Variants in SETDB1 observed in about 807,000 individuals in gnomAD.
The protein encoded by SETDB1 is SET domain bifurcated histone lysine methyltransferase 1.
SETDB1 carries 31 observed loss-of-function variants against 137.4 expected under a neutral mutation model. The ratio of observed to expected loss-of-function variants is 0.23; its 90% confidence interval spans 0.17 to 0.30. The LOEUF (loss-of-function observed/expected upper bound fraction) is 0.30. Ranked by LOEUF, SETDB1 falls within the 10% of genes least tolerant of loss-of-function variation. The pLI, the probability that SETDB1 is intolerant of heterozygous loss-of-function variation, is 1.00. For synonymous variants in SETDB1, 548 were observed against 579.9 expected, an observed-to-expected ratio of 0.95 and a Z score of 0.79; for missense variants, 1,113 against 1,631.5, an observed-to-expected ratio of 0.68 and a Z score of 5.47.
chr1:150,964,501 G>T lies in SETDB1; in HGVS notation c.*137G>T. ...CTAGTTGATAGAAATGGGGGTTCTG[G>T]ACCAGATGATCCCTTCCAATGTGGT... is the stretch of plus-strand genomic sequence containing the variant. On this transcript the variant is annotated 3_prime_UTR_variant, in exon 22 of 22. Transcript: ENST00000692827. 1 of 726,378 alleles carries T rather than the reference G, an allele frequency of 1.4e-6. No individual in the cohort carries two copies. Among genetic ancestry groups the T allele is most frequent in the South Asian group, 1.5e-5 (1 of 67,878 alleles). The allele number at this position is 726,378 out of a possible 1,614,324, so 45.0% of individuals were successfully genotyped here.
Position 150,961,173 on chromosome 1 carries a change from C to G in SETDB1, c.3114C>G (p.Ile1038Met), listed in dbSNP as rs1670804646. The G allele has an allele frequency of 1.1e-5, 18 of 1,613,216 alleles. No individual in the cohort carries two copies. Among genetic ancestry groups the G allele is most frequent in the Non-Finnish European group, 1.5e-5 (18 of 1,180,026 alleles). The stretch of plus-strand genomic sequence containing the variant: ...TAGGCATCAAGGATGAGGGAGACAT[C>G]AAACAGGCCAAGAAAGAGGTAAGCA... Reference protein sequence around the residue: ...SGLGIKDEGDIKQAKKEDTDD... With the variant: ...SGLGIKDEGDMKQAKKEDTDD... Residue 1038 changes from isoleucine to methionine, a missense_variant, in exon 16 of 22, where the codon ATC becomes ATG. Ile to Met is a conservative substitution (Grantham distance 10). This residue lies in a region of SETDB1 where 373 missense variants were observed against 412.7 expected (regional missense o/e 0.90). Coordinates refer to ENST00000692827, the MANE Select transcript of SETDB1 (RefSeq NM_001366418.1).
chr1:150,949,730 G>A (rs1038266588), intron 12 of SETDB1, among the ~76,000 whole-genome samples: 1 of 152,168 alleles, frequency 6.6e-6, no homozygotes, highest in Non-Finnish European at 1.5e-5. Flanking sequence ...TTGGAAATAT[G>A]GTATCATCTG....
intron 17 of SETDB1, 128 bp from the exon 18 acceptor site, chr1:150,962,459 G>T: frequency 1.1e-6 from 1 of 885,030 alleles, no homozygotes; most frequent in Non-Finnish European, 1.8e-6. Context: ...TTACAGCCAT[G>T]AGCTACCGTG....
intron 3 of SETDB1, among the ~76,000 whole-genome samples, chr1:150,937,310 T>C (rs1410901071): frequency 6.6e-6 from 1 of 151,832 alleles, no homozygotes; most frequent in Non-Finnish European, 1.5e-5. Flanking sequence ...CATTCAGTGG[T>C]GGCTGCCAGG....
chr1:150,947,078 A>G (rs2102706674), intron 10 of SETDB1, 66 bp downstream of exon 10: 2 of 1,575,938 alleles, frequency 1.3e-6, no homozygotes, highest in African/African-American at 1.3e-5. Flanking sequence ...ATTATATACA[A>G]TGGCTATCCT....
At chr1:150,945,343 A>AT (rs1670292713) in intron 9 of SETDB1, 43 of 1,396,888 alleles carry the variant, frequency 3.1e-5, no homozygotes, top group South Asian at 3.2e-5. Flanking sequence ...TGATTTATTT[A>AT]TTTTTTTTCT....
At position 150,961,038 on chromosome 1, in the gene SETDB1, A is replaced by G; in HGVS notation, c.2979A>G (p.Glu993=). 1 of 1,448,098 alleles carries G rather than the reference A, an allele frequency of 6.9e-7. No individual in the cohort carries two copies. The highest frequency in any genetic ancestry group is 9.3e-7 in the Non-Finnish European group (1 of 1,074,416). 89.7% of individuals were successfully genotyped at this position (1,448,098 alleles called of 1,614,324 possible). A position where few individuals can be genotyped will look rare whatever the true frequency, so the allele number is the denominator to read the frequency against. The change falls in exon 16 of 22, where the codon GAA becomes GAG. Residue 993 remains glutamate (E), a synonymous_variant. Coordinates refer to ENST00000692827, the MANE Select transcript of SETDB1 (RefSeq NM_001366418.1). ...GGTTGAGCTGCAATAGTGTCAGTGA[A>G]GGTGGTTTTGCTGACTCTGATAGCC... The part of the protein sequence containing the change: ...ASWLSCNSVS[E]GGFADSDSHS...
In SETDB1 at chr1:150,962,593, T is replaced by C. The variant is rs1247218877; in HGVS notation, c.3168T>C (p.Thr1056=). The C allele has an allele frequency of 1.2e-6, 2 of 1,614,124 alleles. No homozygotes were observed. Among genetic ancestry groups the C allele is most frequent in the East Asian group, 2.2e-5 (1 of 44,890 alleles). ...TDDRNKMSVV[T]ESSRNYGYNP... ...TTCCTTCCCCTCCCATTAGAGTTAC[T>C]GAAAGCTCTCGAAATTACGGTTACA... Residue 1056 remains threonine, a synonymous_variant, in exon 18 of 22, where the codon ACT becomes ACC. Coordinates refer to ENST00000692827, the MANE Select transcript of SETDB1 (RefSeq NM_001366418.1).
chr1:150,942,566 C>T lies in SETDB1; in HGVS notation c.551C>T (p.Thr184Ile), dbSNP rs777310413. The change falls in exon 6 of 22, where the codon ACC (threonine) becomes ATC (isoleucine). Residue 184 changes from threonine (T) to isoleucine (I), a missense_variant. Thr to Ile is a moderately conservative substitution (Grantham distance 89, BLOSUM62 -1). This residue lies in a region of SETDB1 where 159 missense variants were observed against 188.6 expected (regional missense o/e 0.84). Transcript: ENST00000692827. ...KSSSQDLHKG[T>I]LSQMSGELSK... The stretch of plus-strand genomic sequence containing the variant: ...AATAACTTTGCTTCTTCTATAGGAA[C>T]CTTGAGTCAGATGTCTGGAGAACTA... The T allele has an allele frequency of 1.2e-6, 2 of 1,610,156 alleles. No individual in the cohort carries two copies. Among genetic ancestry groups the T allele is most frequent in the Non-Finnish European group, 1.7e-6 (2 of 1,178,658 alleles).
rs587672018 is a variant in SETDB1 at position 150,963,522 on chromosome 1, C to G, written c.3461-8C>G. On this transcript the variant is annotated splice_polypyrimidine_tract_variant and splice_region_variant and intron_variant, in intron 19 of 21. Transcript: ENST00000692827. ...ATGGGTCCTGACCCCATTCTCCCTC[C>G]TGTCCAGGTCCAATGAAGCGTCAAG... 4 of 1,605,004 alleles carry G rather than the reference C, an allele frequency of 2.5e-6. No homozygotes were observed. Among genetic ancestry groups the G allele is most frequent in the Admixed American group, 1.7e-5 (1 of 59,640 alleles).
chr1:150,961,124 C>T lies in SETDB1; in HGVS notation c.3065C>T (p.Ala1022Val), dbSNP rs150892641. ...CGGGCTGGGGGAAGCCGAATGGAGGCTGAGAAGGCCTCCACCTCAGGACTA... is the reference window on the plus strand; with the variant it reads ...CGGGCTGGGGGAAGCCGAATGGAGGTTGAGAAGGCCTCCACCTCAGGACTA... ...EGRAGGSRMEAEKASTSGLGI... is the reference protein window; with the variant it reads ...EGRAGGSRMEVEKASTSGLGI... Residue 1022 changes from alanine (A) to valine (V), a missense_variant, in exon 16 of 22, where the codon GCT (alanine) becomes GTT (valine). By Grantham distance (64) the Ala-to-Val change is moderately conservative. This residue lies in a region of SETDB1 where 373 missense variants were observed against 412.7 expected (regional missense o/e 0.90). Transcript: ENST00000692827. 6,856 of 1,614,036 alleles carry T rather than the reference C, an allele frequency of 4.2e-3. 152 individuals carry two copies. The highest frequency in any genetic ancestry group is 0.035 in the South Asian group (3,213 of 91,072).
In SETDB1 at chr1:150,964,575, G is replaced by A. The variant is rs1670932036; in HGVS notation, c.*211G>A. On this transcript the variant is annotated 3_prime_UTR_variant, in exon 22 of 22. Transcript: ENST00000692827. ...CACCTCCAAAGGCCCTAAAGGGTGG[G>A]GAGAGATCACCACTCTAACCTCGGC... The A allele has an allele frequency of 1.0e-5, 7 of 696,596 alleles. No homozygotes were observed. The highest frequency in any genetic ancestry group is 7.5e-5 in the South Asian group (5 of 66,992). The allele number at this position is 696,596 out of a possible 1,614,324, so 43.2% of individuals were successfully genotyped here.
chr1:150,958,729 T>A (rs902588325), intron 14 of SETDB1, among the ~76,000 whole-genome samples: 11 of 152,134 alleles, frequency 7.2e-5, no homozygotes, highest in Middle Eastern at 3.4e-3. Context: ...TTTATTTATT[T>A]TTATTATTAT....
chr1:150,947,398 G>A (rs1670361898), intron 10 of SETDB1, among the ~76,000 whole-genome samples: 1 of 151,710 alleles, frequency 6.6e-6, no homozygotes, highest in Admixed American at 6.6e-5. Flanking sequence ...GGCTCAAGCT[G>A]TCTACCTGCC....
In SETDB1 at chr1:150,949,615, G is replaced by GT. The variant is rs1571648625; in HGVS notation, c.1583+93dup. The GT allele has an allele frequency of 2.5e-6, 3 of 1,194,354 alleles. No homozygotes were observed. The East Asian group carries it at 7.0e-5, about 28-fold the overall frequency. The allele number at this position is 1,194,354 out of a possible 1,614,324, so 74.0% of individuals were successfully genotyped here. ...TCCTTGGCTGTAAGCGAAGGGCTTA[G>GT]TTTAAGCTTATGATAGTGAGGAGTT... On this transcript the variant is annotated intron_variant, in intron 12 of 21. Coordinates refer to ENST00000692827, the MANE Select transcript of SETDB1 (RefSeq NM_001366418.1).
chr1:150,934,544 C>A (rs895711382), intron 3 of SETDB1, among the ~76,000 whole-genome samples: 2 of 152,124 alleles, frequency 1.3e-5, no homozygotes, highest in Non-Finnish European at 2.9e-5. Flanking sequence ...CTGTGTGATA[C>A]TATTGTCAAA....
chr1:150,951,395 C>T lies in SETDB1; in HGVS notation c.2247C>T (p.Ile749=). ...KSKCACHQLT[I]QATACTPGGQ... Reference sequence around the variant, plus strand: ...AGTGTGCCTGCCATCAACTAACTATCCAGGCTACAGCCTGTACCCCAGGAG... The same window carrying T: ...AGTGTGCCTGCCATCAACTAACTATTCAGGCTACAGCCTGTACCCCAGGAG... Residue 749 remains isoleucine (I), a synonymous_variant, in exon 14 of 22, where the codon ATC becomes ATT. Transcript: ENST00000692827. 3.1e-6 allele frequency: 5 copies of T among 1,613,390 alleles called. No homozygotes were observed. Among genetic ancestry groups the T allele is most frequent in the Non-Finnish European group, 4.2e-6 (5 of 1,179,310 alleles).
rs987229525 is a variant in SETDB1, at chr1:150,962,256, C to G, written c.3161+98C>G. On this transcript the variant is annotated intron_variant, in intron 17 of 21. Coordinates refer to ENST00000692827, the MANE Select transcript of SETDB1 (RefSeq NM_001366418.1). ...TAATCTCAGCTCATTGCAACCTCCC[C>G]CTCCCAGGCTCAAGAGATTCTCCCA... 25 of 1,078,822 alleles carry G rather than the reference C, an allele frequency of 2.3e-5. No homozygotes were observed. The African/African-American group carries it at 2.3e-4, about 10-fold the overall frequency. 66.8% of individuals were successfully genotyped at this position (1,078,822 alleles called of 1,614,324 possible). A position where few individuals can be genotyped will look rare whatever the true frequency, so the allele number is the denominator to read the frequency against.
chr1:150,940,212 A>G (rs774540299), intron 4 of SETDB1, among the ~76,000 whole-genome samples: 1 of 152,152 alleles, frequency 6.6e-6, no homozygotes, highest in Non-Finnish European at 1.5e-5. Flanking sequence ...TGCTAGGTAA[A>G]TTAATCAAGA....
Sources: gnomAD v4.1 joint callset for allele counts (sites outside exome capture counted in the v4.1 genomes callset) on GRCh38, gnomAD v4.1.1 for gene constraint, gnomAD v4.1.1 regional missense constraint, MANE v1.5 for transcripts, NCBI Gene and HGNC (gene_info 2026-07-23, HGNC 2026-07-21) for gene names.